Variants in HSD17B3 observed in about 807,000 individuals in gnomAD.
HSD17B3 encodes 17-beta-hydroxysteroid dehydrogenase type 3.
HSD17B3 carries 29 observed loss-of-function variants against 41.1 expected under a neutral mutation model. The ratio of observed to expected loss-of-function variants is 0.71; its 90% CI spans 0.53 to 0.96. The LOEUF (loss-of-function observed/expected upper bound fraction) is 0.96. Among genes scored for constraint, HSD17B3 ranks in the 40% least tolerant of loss-of-function variants. The pLI is 0.00. For missense variants in HSD17B3, 323 were observed against 374.6 expected (o/e 0.86, Z 1.14); for synonymous variants, 126 against 145.6 (o/e 0.87, Z 0.97).
At chr9:96,269,636 G>C (rs1295729172) in intron 2 of HSD17B3, among the ~76,000 whole-genome samples, 3 of 152,104 alleles carry the variant, frequency 2.0e-5, no homozygotes, top group Non-Finnish European at 4.4e-5. Flanking sequence ...GGGTGTGATG[G>C]CTCATGCCTG....
At chr9:96,263,421 A>G (rs538435441) in intron 2 of HSD17B3, among the ~76,000 whole-genome samples, 7 of 152,248 alleles carry the variant, frequency 4.6e-5, no homozygotes, top group African/African-American at 1.4e-4. Context: ...CTGCAATTTT[A>G]AAATAAGCTA....
intron 2 of HSD17B3, among the ~76,000 whole-genome samples, chr9:96,255,384 T>TTTTTTTTTC (rs1825602951): frequency 1.9e-5 from 1 of 53,464 alleles, no homozygotes; most frequent in Non-Finnish European, 3.5e-5. Flanking sequence ...TTTTTTTTTT[T>TTTTTTTTTC]TTTTTTTTTT....
chr9:96,294,819 C>A (rs1274188179), intron 2 of HSD17B3, among the ~76,000 whole-genome samples: 1 of 152,168 alleles, frequency 6.6e-6, no homozygotes, highest in Non-Finnish European at 1.5e-5. Flanking sequence ...CCAACTTCAA[C>A]ACTCAAATAT....
intron 10 of HSD17B3, 133 bp from the exon 11 acceptor site, chr9:96,235,703 G>A (rs1836210775): frequency 1.3e-6 from 1 of 785,676 alleles, no homozygotes; most frequent in South Asian, 1.5e-5. Flanking sequence ...AATTGATAAA[G>A]TTTAAGGGTC....
At chr9:96,279,364 G>T (rs560859616) in intron 2 of HSD17B3, among the ~76,000 whole-genome samples, 1 of 152,272 alleles carries the variant, frequency 6.6e-6, no homozygotes, top group East Asian at 1.9e-4. Flanking sequence ...GGTGTGGGGG[G>T]ACTTACAGGT....
intron 2 of HSD17B3, among the ~76,000 whole-genome samples, chr9:96,276,895 T>C (rs529450633): frequency 3.3e-5 from 5 of 152,226 alleles, no homozygotes; most frequent in East Asian, 1.9e-4. Context: ...AAAATAAAAA[T>C]AGACAATTGA....
chr9:96,251,487 T>A lies in HSD17B3; in HGVS notation c.386-2A>T. ...TTGGAAGCATTCCGACATTGTTGAC[T>A]GGCAGAAAGAAGCAAAACAAAAATG... On this transcript the variant is annotated splice_acceptor_variant, in intron 4 of 10. Transcript: ENST00000375263. LOFTEE classifies it high-confidence loss of function. 6.2e-7 allele frequency: 1 copy of A among 1,614,014 alleles called. No individual in the cohort carries two copies. The highest frequency in any genetic ancestry group is 8.5e-7 in the Non-Finnish European group (1 of 1,179,880).
intron 2 of HSD17B3, among the ~76,000 whole-genome samples, chr9:96,275,124 T>C (rs2130767930): frequency 6.6e-6 from 1 of 152,054 alleles, no homozygotes; most frequent in Admixed American, 6.6e-5. Context: ...AAGAATACTA[T>C]ACCCAGCACA....
At chr9:96,239,379 G>A (rs559753893) in intron 10 of HSD17B3, 1 of 152,294 alleles carries the variant, frequency 6.6e-6, no homozygotes, top group South Asian at 2.1e-4. Context: ...AGACTCATTG[G>A]ACATTCGATG....
At chr9:96,270,655 G>A (rs1826205740) in intron 2 of HSD17B3, among the ~76,000 whole-genome samples, 1 of 152,240 alleles carries the variant, frequency 6.6e-6, no homozygotes, top group South Asian at 2.1e-4. Flanking sequence ...CCAACTGTGT[G>A]CCATTACCTG....
intron 2 of HSD17B3, among the ~76,000 whole-genome samples, chr9:96,271,929 A>G (rs1292842824): frequency 6.6e-6 from 1 of 152,088 alleles, no homozygotes; most frequent in African/African-American, 2.4e-5. Context: ...GGTTAGGAAG[A>G]GGCCTTTATT....
At chr9:96,264,318 C>T (rs200397925) in intron 2 of HSD17B3, among the ~76,000 whole-genome samples, 4 of 145,080 alleles carry the variant, frequency 2.8e-5, no homozygotes, top group Middle Eastern at 3.7e-3. Flanking sequence ...CATGGGAAGA[C>T]GGGGAATAGA....
intron 1 of HSD17B3, among the ~76,000 whole-genome samples, chr9:96,299,340 C>T (rs998201871): frequency 1.3e-5 from 2 of 152,166 alleles, no homozygotes; most frequent in Admixed American, 1.3e-4. Context: ...TTAATAATTA[C>T]TAATGATGTG....
At chr9:96,243,401 A>G (rs193278562) in intron 9 of HSD17B3, among the ~76,000 whole-genome samples, 2 of 152,178 alleles carry the variant, frequency 1.3e-5, no homozygotes, top group African/African-American at 4.8e-5. Flanking sequence ...TTATTGGCCA[A>G]ATTCCTACCA....
intron 2 of HSD17B3, among the ~76,000 whole-genome samples, chr9:96,273,350 C>T (rs934930294): frequency 6.6e-6 from 1 of 152,138 alleles, no homozygotes; most frequent in African/African-American, 2.4e-5. Context: ...AGCACAAAAA[C>T]TGAGGATGAA....
intron 1 of HSD17B3, among the ~76,000 whole-genome samples, chr9:96,300,426 T>G (rs1827551758): frequency 7.0e-6 from 1 of 142,344 alleles, no homozygotes; most frequent in African/African-American, 2.5e-5. Flanking sequence ...TATGAATTGT[T>G]TAATGCATGT....
intron 2 of HSD17B3, among the ~76,000 whole-genome samples, chr9:96,272,236 G>A (rs1362172569): frequency 2.7e-5 from 4 of 150,308 alleles, no homozygotes; most frequent in South Asian, 2.1e-4. Flanking sequence ...AGGTGTGGTG[G>A]TACGGACCTG....
At chr9:96,270,275 G>C (rs933896150) in intron 2 of HSD17B3, among the ~76,000 whole-genome samples, 30 of 148,802 alleles carry the variant, frequency 2.0e-4, no homozygotes, top group African/African-American at 4.9e-4. Context: ...CACACAGAGA[G>C]AGAGAGAGAG....
intron 2 of HSD17B3, among the ~76,000 whole-genome samples, chr9:96,287,920 G>A (rs1489937040): frequency 6.7e-6 from 1 of 148,714 alleles, no homozygotes; most frequent in Non-Finnish European, 1.5e-5. Flanking sequence ...ACTGGAAAAT[G>A]AATAAACAAA....
Sources: gnomAD v4.1 joint callset for allele counts (sites outside exome capture counted in the v4.1 genomes callset) on GRCh38, gnomAD v4.1.1 for gene constraint, MANE v1.5 for transcripts, NCBI Gene and HGNC (gene_info 2026-07-23, HGNC 2026-07-21) for gene names.